RAP1A: variants seen among roughly 807,000 people sequenced by gnomAD.
RAP1A encodes the protein RAP1A, member of RAS oncogene family.
A neutral mutation model predicts 26.4 loss-of-function variants in RAP1A; 6 were observed. The observed-to-expected ratio is 0.23, with a 90% CI of 0.12 to 0.45. The LOEUF is 0.45. Ranked by LOEUF, RAP1A falls within the 20% of genes least tolerant of loss-of-function variation. The probability of loss-of-function intolerance (pLI) is 0.99; values close to 1 mark genes in which losing one functional copy is unlikely to be tolerated. For missense variants in RAP1A, 121 were observed against 217.2 expected, an observed-to-expected ratio of 0.56 and a Z score of 2.78; for synonymous variants, 73 against 79.4, an observed-to-expected ratio of 0.92 and a Z score of 0.43.
chr1:111,668,860 C>T (rs1660881361), intron 1 of RAP1A, among the ~76,000 whole-genome samples: 2 of 151,472 alleles, frequency 1.3e-5, no homozygotes, highest in Admixed American at 6.6e-5. Context: ...GAAATCCCAT[C>T]TCTACAAAAA....
intron 1 of RAP1A, among the ~76,000 whole-genome samples, chr1:111,627,928 T>C (rs1659449593): frequency 6.7e-6 from 1 of 149,354 alleles, no homozygotes; most frequent in African/African-American, 2.5e-5. Context: ...GGTTCTGACT[T>C]TGAAAAAACA....
At chr1:111,575,135 ATTTCTTTC>A (rs200582125) in intron 1 of RAP1A, among the ~76,000 whole-genome samples, 1 of 151,574 alleles carries the variant, frequency 6.6e-6, no homozygotes, top group Admixed American at 6.6e-5. Flanking sequence ...AAGTTACTGA[ATTTCTTTC>A]TTTCTTTCTT....
chr1:111,689,793 C>T (rs1302101431), intron 1 of RAP1A, among the ~76,000 whole-genome samples: 1 of 152,156 alleles, frequency 6.6e-6, no homozygotes, highest in Non-Finnish European at 1.5e-5. Context: ...CCTCAGCCTC[C>T]CAAGTAGCTG....
At chr1:111,654,976 C>T (rs940868379) in intron 1 of RAP1A, among the ~76,000 whole-genome samples, 7 of 151,626 alleles carry the variant, frequency 4.6e-5, no homozygotes, top group Admixed American at 1.3e-4. Flanking sequence ...TTGGAGGCTG[C>T]ACTAAGCTGT....
chr1:111,656,417 A>G (rs898760964), intron 1 of RAP1A, among the ~76,000 whole-genome samples: 8 of 152,126 alleles, frequency 5.3e-5, no homozygotes, highest in Non-Finnish European at 1.2e-4. Flanking sequence ...TTGAAACCAC[A>G]TTCCCCTTTC....
intron 1 of RAP1A, among the ~76,000 whole-genome samples, chr1:111,580,581 G>T (rs1658235730): frequency 6.6e-6 from 1 of 152,188 alleles, no homozygotes; most frequent in African/African-American, 2.4e-5. Flanking sequence ...GGGCGTGGTG[G>T]CTCAAGCCTG....
At chr1:111,582,861 T>G (rs1658285133) in intron 1 of RAP1A, among the ~76,000 whole-genome samples, 1 of 152,166 alleles carries the variant, frequency 6.6e-6, no homozygotes, top group African/African-American at 2.4e-5. Flanking sequence ...AGCTACTGAG[T>G]GCCAAGCTAG....
At chr1:111,645,115 G>A (rs553945987) in intron 1 of RAP1A, among the ~76,000 whole-genome samples, 75 of 151,450 alleles carry the variant, frequency 5.0e-4, no homozygotes, top group African/African-American at 1.7e-3. Flanking sequence ...TGTGGAAATA[G>A]GGATAAAAAT....
At chr1:111,578,845 C>T (rs1658194608) in intron 1 of RAP1A, among the ~76,000 whole-genome samples, 1 of 152,208 alleles carries the variant, frequency 6.6e-6, no homozygotes, top group Non-Finnish European at 1.5e-5. Context: ...CTTTATTTTT[C>T]ACCAACCGGC....
intron 1 of RAP1A, among the ~76,000 whole-genome samples, chr1:111,546,665 C>A (rs778531137): frequency 1.3e-5 from 2 of 152,144 alleles, no homozygotes; most frequent in Non-Finnish European, 2.9e-5. Flanking sequence ...TTTATCAATT[C>A]ATCCATTGAT....
intron 1 of RAP1A, among the ~76,000 whole-genome samples, chr1:111,573,411 CT>C (rs899580114): frequency 3.3e-5 from 5 of 151,564 alleles, no homozygotes; most frequent in African/African-American, 1.2e-4. Flanking sequence ...TATTTTTTAA[CT>C]TTTTTTTTGC....
chr1:111,585,742 G>A lies in RAP1A; in HGVS notation c.-28+43233G>A, dbSNP rs529115031. Among the ~76,000 whole-genome samples the A allele has an allele frequency of 2.6e-5, 4 of 152,304 alleles. No homozygotes were observed. The South Asian group carries it at 8.3e-4, about 32-fold the overall frequency. The stretch of plus-strand genomic sequence containing the variant: ...TCTGACATTCTGTGTTTCTCTGAAA[G>A]ATGTTTAGAGAGTTCTAGGATGTGA... On this transcript the variant is annotated intron_variant, in intron 1 of 7. Coordinates refer to the RAP1A transcript ENST00000356415.
At position 111,655,965 on chromosome 1, in the gene RAP1A, C is replaced by CCTCCCAA. The variant is rs1238420773; in HGVS notation, c.-27-35369_-27-35368insCTCCCAA. ...TCGGCCTCCCAAAGTGCTGGGATTACAGGCTGAGCCACCGCGCCCGGCCTC... is the reference window on the plus strand; with the variant it reads ...TCGGCCTCCCAAAGTGCTGGGATTACCTCCCAAAGGCTGAGCCACCGCGCCCGGCCTC... On this transcript the variant is annotated intron_variant, in intron 1 of 7. Transcript: ENST00000369709. 7.2e-5 allele frequency among the ~76,000 whole-genome samples: 11 copies of CCTCCCAA among 152,098 alleles called. No individual in the cohort carries two copies. In the South Asian group the frequency reaches 8.3e-4, roughly 11 times the overall value.
At chr1:111,670,840 CTG>C (rs998823530) in intron 1 of RAP1A, among the ~76,000 whole-genome samples, 1 of 152,226 alleles carries the variant, frequency 6.6e-6, no homozygotes, top group Non-Finnish European at 1.5e-5. Context: ...ATTATTGTAT[CTG>C]TTGTCATAAT....
intron 4 of RAP1A, among the ~76,000 whole-genome samples, chr1:111,702,374 C>T (rs1228409913): frequency 6.6e-6 from 1 of 151,986 alleles, no homozygotes; most frequent in Non-Finnish European, 1.5e-5. Context: ...ATAGTTACAA[C>T]ATAAAGTAAT....
chr1:111,684,170 T>A (rs765779261), intron 1 of RAP1A, among the ~76,000 whole-genome samples: 22 of 152,066 alleles, frequency 1.4e-4, no homozygotes, highest in Non-Finnish European at 2.9e-4. Flanking sequence ...CCCAAAATAA[T>A]AAGAGCTATT....
intron 1 of RAP1A, among the ~76,000 whole-genome samples, chr1:111,568,710 G>T (rs985861693): frequency 4.3e-4 from 66 of 152,102 alleles, no homozygotes; most frequent in Admixed American, 1.8e-3. Flanking sequence ...CTCACATGCA[G>T]ATTTTTTCAA....
intron 3 of RAP1A, among the ~76,000 whole-genome samples, 154 bp from the exon 4 acceptor site, chr1:111,697,287 A>T (rs530972019): frequency 2.0e-5 from 3 of 152,122 alleles, no homozygotes; most frequent in Non-Finnish European, 2.9e-5. Flanking sequence ...GCTGTTCTTT[A>T]TTGTGGTACC....
intron 1 of RAP1A, chr1:111,600,115 A>AAT (rs1658642314): frequency 6.6e-6 from 1 of 152,284 alleles, no homozygotes; most frequent in Non-Finnish European, 1.5e-5. Context: ...CACAAGCCAA[A>AAT]ATAAAACATC....
Sources: gnomAD v4.1 joint callset for allele counts (sites outside exome capture counted in the v4.1 genomes callset) on GRCh38, gnomAD v4.1.1 for gene constraint, MANE v1.5 for transcripts, NCBI Gene and HGNC (gene_info 2026-07-23, HGNC 2026-07-21) for gene names.